GPR19: variants seen among roughly 807,000 people sequenced by gnomAD.
The protein encoded by GPR19 is probable G protein-coupled receptor 19.
GPR19 carries 14 observed loss-of-function variants against 28.5 expected under a neutral mutation model. The observed-to-expected ratio is 0.49, with a 90% CI of 0.32 to 0.77. The LOEUF is 0.77. GPR19 is among the 30% of genes least tolerant of loss of function. The probability of loss-of-function intolerance (pLI) is 0.03; values close to 1 mark genes in which losing one functional copy is unlikely to be tolerated. For synonymous variants in GPR19, 173 were observed against 184.1 expected (o/e 0.94, Z 0.49); for missense variants, 409 against 504.1 (o/e 0.81, Z 1.81).
chr12:12,687,933 G>A (rs1467355862), intron 2 of GPR19, among the ~76,000 whole-genome samples: 9 of 152,184 alleles, frequency 5.9e-5, no homozygotes, highest in Non-Finnish European at 1.3e-4. Flanking sequence ...ACTCTAATCT[G>A]GGAGACAGAG....
upstream of GPR19, among the ~76,000 whole-genome samples, chr12:12,698,713 C>T (rs149365293): frequency 1.3e-5 from 2 of 151,862 alleles, no homozygotes; most frequent in South Asian, 2.1e-4. Context: ...CGGGTTCAAG[C>T]GATTCTCTTG....
chr12:12,665,203 C>T (rs949498311), intron 3 of GPR19, among the ~76,000 whole-genome samples: 1 of 152,188 alleles, frequency 6.6e-6, no homozygotes, highest in Non-Finnish European at 1.5e-5. Flanking sequence ...TTCCTTAATG[C>T]GCATACTTGA....
chr12:12,665,526 A>T (rs1945757547), intron 3 of GPR19, among the ~76,000 whole-genome samples: 1 of 152,218 alleles, frequency 6.6e-6, no homozygotes, highest in Non-Finnish European at 1.5e-5. Context: ...TAAGCCGAGA[A>T]ACTGGGCTAG....
At chr12:12,708,651 T>C in the GPR19 span, among the ~76,000 whole-genome samples, 4 of 151,908 alleles carry the variant, frequency 2.6e-5, no homozygotes, top group Non-Finnish European at 5.9e-5. Context: ...GAACACTCAG[T>C]TCTCTATTTC....
the GPR19 span, chr12:12,717,022 G>C: frequency 4.0e-6 from 4 of 1,001,326 alleles, no homozygotes; most frequent in Non-Finnish European, 3.6e-6. Flanking sequence ...GAGGGAGGTC[G>C]GGGCTTAGGC....
chr12:12,708,060 C>T, the GPR19 span, among the ~76,000 whole-genome samples: 4 of 125,280 alleles, frequency 3.2e-5, no homozygotes, highest in South Asian at 2.6e-4. Context: ...AGTGCAGTGG[C>T]GTGATCACAG....
intron 3 of GPR19, among the ~76,000 whole-genome samples, chr12:12,668,749 T>G (rs886340642): frequency 6.6e-6 from 1 of 152,012 alleles, no homozygotes; most frequent in Non-Finnish European, 1.5e-5. Context: ...TACATATGGG[T>G]ATTTACTAAT....
chr12:12,717,040 C>T, the GPR19 span: 1 of 1,004,850 alleles, frequency 1.0e-6, no homozygotes, highest in South Asian at 4.7e-5. Context: ...GGCGCCGCGG[C>T]GAACCCGCCA....
upstream of GPR19, among the ~76,000 whole-genome samples, chr12:12,700,066 G>C (rs1946309404): frequency 6.6e-6 from 1 of 151,274 alleles, no homozygotes; most frequent in African/African-American, 2.4e-5. Context: ...TCCCACATCG[G>C]CTTTCCAAAG....
chr12:12,675,574 G>T (rs1325931410), intron 3 of GPR19, among the ~76,000 whole-genome samples: 1 of 152,150 alleles, frequency 6.6e-6, no homozygotes, highest in Non-Finnish European at 1.5e-5. Context: ...CTAAGCACAT[G>T]AGCCCTTAAA....
At chr12:12,703,787 T>A in the GPR19 span, among the ~76,000 whole-genome samples, 1 of 152,204 alleles carries the variant, frequency 6.6e-6, no homozygotes, top group Non-Finnish European at 1.5e-5. Flanking sequence ...ATAAGTTGCA[T>A]GACTGCCATG....
chr12:12,710,410 A>T, the GPR19 span, among the ~76,000 whole-genome samples: 1 of 151,864 alleles, frequency 6.6e-6, no homozygotes, highest in African/African-American at 2.4e-5. Flanking sequence ...TGTAACTGTT[A>T]ATCTACTCAG....
the GPR19 span, among the ~76,000 whole-genome samples, chr12:12,712,358 G>A: frequency 1.3e-5 from 2 of 152,186 alleles, no homozygotes; most frequent in Non-Finnish European, 2.9e-5. Context: ...AAACTCCAGA[G>A]CTCCAACCCA....
At chr12:12,667,488 C>T (rs1266701001) in intron 3 of GPR19, among the ~76,000 whole-genome samples, 2 of 151,876 alleles carry the variant, frequency 1.3e-5, no homozygotes, top group African/African-American at 2.4e-5. Flanking sequence ...GTCAGGAGTT[C>T]AAGACCAGCC....
the GPR19 span, among the ~76,000 whole-genome samples, chr12:12,711,025 C>T: frequency 2.0e-5 from 3 of 152,080 alleles, no homozygotes; most frequent in African/African-American, 7.2e-5. Flanking sequence ...AAAAAGTGGG[C>T]CGGTGTGGTA....
chr12:12,697,262 T>G (rs2136340919), upstream of GPR19, among the ~76,000 whole-genome samples: 1 of 147,432 alleles, frequency 6.8e-6, no homozygotes, highest in South Asian at 2.1e-4. Context: ...ATTTTTGAAA[T>G]GGTTTGAAGA....
chr12:12,672,206 A>AT (rs1945862604), intron 3 of GPR19, among the ~76,000 whole-genome samples: 1 of 152,186 alleles, frequency 6.6e-6, no homozygotes, highest in Admixed American at 6.5e-5. Flanking sequence ...TCCTCCCCTA[A>AT]TTCCTTGTAA....
chr12:12,678,551 AC>A (rs1276095161), intron 3 of GPR19, among the ~76,000 whole-genome samples: 1 of 152,188 alleles, frequency 6.6e-6, no homozygotes, highest in Non-Finnish European at 1.5e-5. Flanking sequence ...CTCCGAGTCT[AC>A]TAATAAGCAT....
At chr12:12,665,179 C>T (rs1305950944) in intron 3 of GPR19, among the ~76,000 whole-genome samples, 1 of 152,194 alleles carries the variant, frequency 6.6e-6, no homozygotes, top group South Asian at 2.1e-4. Context: ...AAACAGGAGT[C>T]CACACAGGCA....
Sources: gnomAD v4.1 joint callset for allele counts (sites outside exome capture counted in the v4.1 genomes callset) on GRCh38, gnomAD v4.1.1 for gene constraint, MANE v1.5 for transcripts, NCBI Gene and HGNC (gene_info 2026-07-23, HGNC 2026-07-21) for gene names.